Variants in LAIR1 observed in about 807,000 individuals in gnomAD.
LAIR1 encodes the protein leukocyte-associated immunoglobulin-like receptor 1.
Under a neutral mutation model 32.8 loss-of-function variants are expected in LAIR1, and 24 were observed. The observed-to-expected ratio is 0.73, with a 90% confidence interval of 0.53 to 1.03. LAIR1 has a LOEUF of 1.03. Among genes scored for constraint, LAIR1 ranks in the 50% least tolerant of loss-of-function variants. The probability of loss-of-function intolerance (pLI) is 0.00; values close to 1 mark genes in which losing one functional copy is unlikely to be tolerated. For missense variants in LAIR1, 355 were observed against 347.5 expected, an observed-to-expected ratio of 1.02 and a Z score of -0.17; for synonymous variants, 150 against 140.5, an observed-to-expected ratio of 1.07 and a Z score of -0.48.
Position 54,364,173 on chromosome 19 carries a change from G to A in LAIR1, c.70+122C>T. The A allele has an allele frequency of 7.0e-6, 8 of 1,137,586 alleles. No individual in the cohort carries two copies. Among genetic ancestry groups the A allele is most frequent in the Non-Finnish European group, 1.0e-5 (8 of 776,458 alleles). The allele number at this position is 1,137,586 out of a possible 1,614,324, so 70.5% of individuals were successfully genotyped here. On this transcript the variant is annotated intron_variant, in intron 2 of 9. Coordinates refer to ENST00000391742, the MANE Select transcript of LAIR1 (RefSeq NM_002287.6). The surrounding 1 kb of genome is among the most constrained non-coding windows in gnomAD (Gnocchi z 4.8). ...ATGCATTTTACATTTGGAAGAGTTT[G>A]CAATCTAGGGTATATTTAAAGGGAT... is the stretch of plus-strand genomic sequence containing the variant.
chr19:54,361,338 A>C (rs1038781760), intron 2 of LAIR1, 129 bp from the exon 3 acceptor site: 14 of 961,082 alleles, frequency 1.5e-5, no homozygotes, highest in Non-Finnish European at 2.1e-5. Flanking sequence ...ACCACAGCCC[A>C]ACCTTAGAAC....
At position 54,355,012 on chromosome 19, in the gene LAIR1, T is replaced by C. The variant is rs1255639080; in HGVS notation, c.*256A>G. The C allele has an allele frequency of 2.5e-6, 1 of 393,828 alleles. No homozygotes were observed. Among genetic ancestry groups the C allele is most frequent in the African/African-American group, 2.1e-5 (1 of 48,400 alleles). 24.4% of individuals were successfully genotyped at this position (393,828 alleles called of 1,614,324 possible). ...GGGTCTCTAGAAACAGCCAGGGAAC[T>C]GTAGCTGGGTCTCTGGAAATAACTG... is the stretch of plus-strand genomic sequence containing the variant. On this transcript the variant is annotated 3_prime_UTR_variant, in exon 10 of 10. Transcript: ENST00000391742. This position sits in a 1 kb window ranked among gnomAD's most constrained non-coding sequence, Gnocchi z 4.7.
chr19:54,373,631 T>C (rs1051251694), upstream of LAIR1, among the ~76,000 whole-genome samples: 1 of 151,700 alleles, frequency 6.6e-6, no homozygotes, highest in Non-Finnish European at 1.5e-5. Flanking sequence ...TCACGACTAT[T>C]GTGAGACAAG....
intron 4 of LAIR1, chr19:54,358,476 T>C (rs1225018839): frequency 7.4e-7 from 1 of 1,356,644 alleles, no homozygotes; most frequent in Admixed American, 2.2e-5. Flanking sequence ...GCAAATCATA[T>C]ATTTTTATCT....
upstream of LAIR1, among the ~76,000 whole-genome samples, chr19:54,374,934 G>A (rs1280581048): frequency 6.6e-6 from 1 of 152,050 alleles, no homozygotes; most frequent in Non-Finnish European, 1.5e-5. Context: ...CACTGTCCTG[G>A]TGGGAGTCCG....
upstream of LAIR1, among the ~76,000 whole-genome samples, chr19:54,372,491 C>CTT (rs35628063): frequency 8.2e-3 from 1,075 of 131,498 alleles, 17 homozygotes; most frequent in Admixed American, 0.025. Flanking sequence ...TTCTTTCTTT[C>CTT]TTTTTTTTTT....
At position 54,361,110 on chromosome 19, in the gene LAIR1, G is replaced by A. The variant is rs780234189; in HGVS notation, c.170C>T (p.Thr57Ile). Residue 57 changes from threonine (T) to isoleucine (I), a missense_variant, in exon 3 of 10, where the codon ACA becomes ATA. Transcript: ENST00000391742. ...TCTACTGTCCCTCTCCAGGCGGAAT[G>A]TTTGAACCCCAACCGGGCCCCGGCA... is the stretch of plus-strand genomic sequence containing the variant. ...FVCRGPVGVQ[T>I]FRLERDSRST... 4 of 1,614,206 alleles carry A rather than the reference G, an allele frequency of 2.5e-6. No homozygotes were observed. Among genetic ancestry groups the A allele is most frequent in the Admixed American group, 3.3e-5 (2 of 60,018 alleles).
chr19:54,362,441 G>T (rs1478725615), intron 2 of LAIR1, among the ~76,000 whole-genome samples: 2 of 152,218 alleles, frequency 1.3e-5, no homozygotes, highest in Non-Finnish European at 2.9e-5. Flanking sequence ...CCGTTTGGAG[G>T]TGGACTTCCA....
chr19:54,374,804 C>A (rs1400906509), upstream of LAIR1, among the ~76,000 whole-genome samples: 2 of 152,080 alleles, frequency 1.3e-5, no homozygotes, highest in African/African-American at 2.4e-5. Context: ...CTAGAGTCTC[C>A]TGAGTTCCAG....
chr19:54,365,145 C>T (rs28366059), upstream of LAIR1: 5 of 943,212 alleles, frequency 5.3e-6, no homozygotes, highest in Non-Finnish European at 5.3e-6. Flanking sequence ...ACTTGGACGC[C>T]GTCCCAACTC....
At chr19:54,356,160 C>A in intron 8 of LAIR1, 70 bp downstream of exon 8, 1 of 1,436,398 alleles carries the variant, frequency 7.0e-7, no homozygotes. Flanking sequence ...CCACCCCCCA[C>A]ATTGCATCTG....
chr19:54,360,096 AT>A, intron 3 of LAIR1, 24 bp from the exon 4 acceptor site: 1 of 453,838 alleles, frequency 2.2e-6, no homozygotes, highest in Non-Finnish European at 3.7e-6. Context: ...CAGGAGAAGG[AT>A]TTAGAACCCG....
upstream of LAIR1, among the ~76,000 whole-genome samples, chr19:54,374,975 C>T (rs1207627541): frequency 6.6e-6 from 1 of 152,108 alleles, no homozygotes; most frequent in Non-Finnish European, 1.5e-5. Flanking sequence ...AGACCCTCAC[C>T]ATTACCGGAA....
upstream of LAIR1, among the ~76,000 whole-genome samples, chr19:54,371,183 A>G (rs1251695658): frequency 6.6e-6 from 1 of 151,482 alleles, no homozygotes; most frequent in Non-Finnish European, 1.5e-5. Flanking sequence ...CAGGTACCGT[A>G]ACCAGCATCT....
Position 54,352,732 on chromosome 19 carries a change from C to T in LAIR1, c.*2536G>A, listed in dbSNP as rs577695584. On this transcript the variant is annotated 3_prime_UTR_variant, in exon 10 of 10. Transcript: ENST00000391742. ...TCACCCATCCTCTGCTATGTGCAGA[C>T]TGTCCACCTTCTGCTATAGAGTTCA... 15 of 153,530 alleles carry T rather than the reference C, an allele frequency of 9.8e-5. No homozygotes were observed. The South Asian group carries it at 3.1e-3, about 32-fold the overall frequency. The allele number at this position is 153,530 out of a possible 1,614,324, so 9.5% of individuals were successfully genotyped here.
chr19:54,376,046 C>T, the LAIR1 span, among the ~76,000 whole-genome samples: 15 of 151,602 alleles, frequency 9.9e-5, no homozygotes, highest in Non-Finnish European at 2.1e-4. Flanking sequence ...TCCCCTAGAA[C>T]CTTGGAGTGC....
chr19:54,362,335 C>T (rs1456521232), intron 2 of LAIR1, among the ~76,000 whole-genome samples: 1 of 152,184 alleles, frequency 6.6e-6, no homozygotes, highest in Non-Finnish European at 1.5e-5. Context: ...ATTTTTCTTT[C>T]TTTTAACCAT....
chr19:54,367,571 C>T (rs1241312890), upstream of LAIR1, among the ~76,000 whole-genome samples: 1 of 151,098 alleles, frequency 6.6e-6, no homozygotes, highest in African/African-American at 2.4e-5. Flanking sequence ...ACGGTGAAAC[C>T]CCGTCTCTAC....
chr19:54,366,650 G>A (rs1047673013), upstream of LAIR1, among the ~76,000 whole-genome samples: 4 of 151,988 alleles, frequency 2.6e-5, no homozygotes, highest in South Asian at 2.1e-4. Flanking sequence ...CACCACGCCC[G>A]GCTAATTTTT....
Sources: gnomAD v4.1 joint callset for allele counts (sites outside exome capture counted in the v4.1 genomes callset) on GRCh38, gnomAD v4.1.1 for gene constraint, Gnocchi (gnomAD v3.1) non-coding constraint, MANE v1.5 for transcripts, NCBI Gene and HGNC (gene_info 2026-07-23, HGNC 2026-07-21) for gene names.